The following SDK1 variants were observed in gnomAD, a reference collection of about 807,000 sequenced individuals.
The protein encoded by SDK1 is sidekick cell adhesion molecule 1.
SDK1 carries 157 observed loss-of-function variants against 245.5 expected under a neutral mutation model. That is an observed-to-expected ratio of 0.64 (90% CI 0.56 to 0.73). The LOEUF is 0.73. SDK1 is among the 30% of genes least tolerant of loss of function. SDK1 has a pLI of 0.00. For synonymous variants in SDK1, 1,647 were observed against 1,278.5 expected (o/e 1.29, Z -6.15); for missense variants, 3,583 against 3,002.3 (o/e 1.19, Z -4.52).
chr7:3,304,087 T>C (rs1267876353), intron 1 of SDK1, among the ~76,000 whole-genome samples: 2 of 152,248 alleles, frequency 1.3e-5, no homozygotes, highest in East Asian at 1.9e-4. Flanking sequence ...AAAAGTTACA[T>C]TTTTATAACC....
chr7:3,483,327 T>G (rs1451177380), intron 1 of SDK1, among the ~76,000 whole-genome samples: 2 of 152,200 alleles, frequency 1.3e-5, no homozygotes, highest in East Asian at 3.8e-4. Context: ...TTTTTTAGTT[T>G]TATACCCACT....
At chr7:3,771,677 A>G (rs151087179) in intron 4 of SDK1, among the ~76,000 whole-genome samples, 51 of 152,186 alleles carry the variant, frequency 3.4e-4, no homozygotes, top group East Asian at 1.2e-3. Flanking sequence ...ATTTCTTGAC[A>G]TGTTTCTGCA....
intron 14 of SDK1, among the ~76,000 whole-genome samples, chr7:4,003,952 C>T (rs1486314464): frequency 6.6e-6 from 1 of 152,258 alleles, no homozygotes; most frequent in Non-Finnish European, 1.5e-5. Flanking sequence ...CTTAACTTTG[C>T]AGCTTTAAAT....
chr7:3,457,951 C>T lies in SDK1; in HGVS notation c.298+156067C>T, dbSNP rs181768656. Reference sequence around the variant, plus strand: ...TTTGGAAATGTCTATATTTTACTCTCACACTTGTCTAGGTAAAAAGTTCTT... The same window carrying T: ...TTTGGAAATGTCTATATTTTACTCTTACACTTGTCTAGGTAAAAAGTTCTT... On this transcript the variant is annotated intron_variant, in intron 1 of 44. Coordinates refer to ENST00000404826, the MANE Select transcript of SDK1 (RefSeq NM_152744.4). Among the ~76,000 whole-genome samples, 6 of 152,338 alleles carry T rather than the reference C, an allele frequency of 3.9e-5. No homozygotes were observed. In the East Asian group the frequency reaches 1.2e-3, roughly 29 times the overall value.
In SDK1 at chr7:4,174,272, C is replaced by T; in HGVS notation, c.4851C>T (p.Tyr1617=). The T allele has an allele frequency of 1.2e-6, 2 of 1,614,028 alleles. No homozygotes were observed. Among genetic ancestry groups the T allele is most frequent in the Middle Eastern group, 1.6e-4 (1 of 6,062 alleles). ...GCCTTCTTCAGGGATACAGGATCTA[C>T]TACAGGGAGCTGGAGTATGAAGCCG... The part of the protein sequence containing the change: ...LNGLLQGYRI[Y]YRELEYEAGS... Residue 1617 remains tyrosine (Y), a synonymous_variant, in exon 33 of 45, where the codon TAC becomes TAT. Transcript: ENST00000404826.
chr7:3,899,590 C>A (rs925065312), intron 5 of SDK1, among the ~76,000 whole-genome samples: 1 of 152,214 alleles, frequency 6.6e-6, no homozygotes, highest in Non-Finnish European at 1.5e-5. Flanking sequence ...GGCACACTGC[C>A]TTGACCTCCT....
At chr7:3,582,205 G>A (rs1332313661) in intron 1 of SDK1, among the ~76,000 whole-genome samples, 1 of 151,798 alleles carries the variant, frequency 6.6e-6, no homozygotes. Flanking sequence ...TCTGTCTCAG[G>A]TAGGTCTCCC....
At chr7:3,929,046 G>A (rs2128116520) in intron 5 of SDK1, among the ~76,000 whole-genome samples, 1 of 152,376 alleles carries the variant, frequency 6.6e-6, no homozygotes, top group Non-Finnish European at 1.5e-5. Context: ...ATCAGACACA[G>A]TTAGCCTTCC....
At chr7:4,012,071 T>C in intron 15 of SDK1, 24 bp from the exon 16 acceptor site, 4 of 1,475,078 alleles carry the variant, frequency 2.7e-6, no homozygotes, top group Non-Finnish European at 3.6e-6. Context: ...ATCTCTCTTG[T>C]TCCTACCCGT....
chr7:3,598,516 A>G (rs1781144724), intron 1 of SDK1, among the ~76,000 whole-genome samples: 1 of 152,216 alleles, frequency 6.6e-6, no homozygotes, highest in East Asian at 1.9e-4. Flanking sequence ...ATAATACGGT[A>G]TTACAGCCAG....
intron 4 of SDK1, among the ~76,000 whole-genome samples, chr7:3,803,984 T>G (rs1353662900): frequency 6.6e-6 from 1 of 152,134 alleles, no homozygotes; most frequent in African/African-American, 2.4e-5. Context: ...CAGGATGGTC[T>G]CGATCTCCTG....
chr7:3,461,219 C>A (rs1215895804), intron 1 of SDK1, among the ~76,000 whole-genome samples: 8 of 152,154 alleles, frequency 5.3e-5, no homozygotes, highest in African/African-American at 1.9e-4. Context: ...GTTGTTGCAT[C>A]TTGGCTTTGT....
chr7:3,603,743 G>A (rs540558072), intron 1 of SDK1, among the ~76,000 whole-genome samples: 1 of 152,162 alleles, frequency 6.6e-6, no homozygotes, highest in Admixed American at 6.5e-5. Context: ...CTGAGAGAGG[G>A]CATCCCTGTC....
At chr7:3,725,515 A>T (rs17133734) in intron 4 of SDK1, among the ~76,000 whole-genome samples, 21,643 of 152,154 alleles carry the variant, frequency 0.14, 2,220 homozygotes, top group African/African-American at 0.29. Context: ...CCCTTAAGAG[A>T]ATATTAATGC....
At chr7:4,238,853 CCTGT>C (rs1011097899) in intron 42 of SDK1, among the ~76,000 whole-genome samples, 11 of 151,966 alleles carry the variant, frequency 7.2e-5, no homozygotes, top group African/African-American at 2.7e-4. Context: ...CTGCCGAGAT[CCTGT>C]CTCTTACAAA....
rs1190143072 is a variant in SDK1 at position 4,084,569 on chromosome 7, G to A, written c.3324+4985G>A. 2.0e-5 allele frequency among the ~76,000 whole-genome samples: 3 copies of A among 152,216 alleles called. 1 individual carries two copies. The highest frequency in any genetic ancestry group is 3.9e-4 in the East Asian group (2 of 5,180). On this transcript the variant is annotated intron_variant, in intron 22 of 44. Transcript: ENST00000404826. Reference sequence around the variant, plus strand: ...CTCGCTCCCAGCTGGTCCCTGCTTCGACACCTTCCCAGTAGACAGAACATA... The same window carrying A: ...CTCGCTCCCAGCTGGTCCCTGCTTCAACACCTTCCCAGTAGACAGAACATA...
At chr7:3,460,761 A>T (rs1241928766) in intron 1 of SDK1, among the ~76,000 whole-genome samples, 1 of 152,212 alleles carries the variant, frequency 6.6e-6, no homozygotes, top group East Asian at 1.9e-4. Flanking sequence ...AAAAACAGCC[A>T]GCCCAATTGT....
At chr7:4,073,575 T>A (rs1203537044) in intron 20 of SDK1, among the ~76,000 whole-genome samples, 4 of 152,164 alleles carry the variant, frequency 2.6e-5, no homozygotes, top group Admixed American at 6.5e-5. Flanking sequence ...ACAAATAAAA[T>A]TTTCTGGCAG....
chr7:3,956,198 C>T (rs1781243442), intron 7 of SDK1, among the ~76,000 whole-genome samples: 1 of 152,204 alleles, frequency 6.6e-6, no homozygotes, highest in Non-Finnish European at 1.5e-5. Context: ...CTAAGACATG[C>T]CCTCGCCCTC....
Sources: gnomAD v4.1 joint callset for allele counts (sites outside exome capture counted in the v4.1 genomes callset) on GRCh38, gnomAD v4.1.1 for gene constraint, MANE v1.5 for transcripts, NCBI Gene and HGNC (gene_info 2026-07-23, HGNC 2026-07-21) for gene names.